ULK4: variants seen among roughly 807,000 people sequenced by gnomAD.
ULK4 encodes inactive serine/threonine-protein kinase ULK4.
In ULK4, 133 loss-of-function variants were observed where a neutral mutation model predicts 160.6. That is an observed-to-expected ratio of 0.83 (90% CI 0.72 to 0.96). The LOEUF is 0.96. Among genes scored for constraint, ULK4 ranks in the 40% least tolerant of loss-of-function variants. The pLI is 0.00. For synonymous variants in ULK4, 534 were observed against 539.8 expected (o/e 0.99, Z 0.15); for missense variants, 1,580 against 1,499.5 (o/e 1.05, Z -0.89).
intron 17 of ULK4, among the ~76,000 whole-genome samples, chr3:41,839,895 A>C (rs776127613): frequency 3.3e-5 from 5 of 152,222 alleles, no homozygotes; most frequent in Non-Finnish European, 7.3e-5. Context: ...TTGTATGCTG[A>C]AACTACACAA....
At chr3:41,627,527 A>G (rs943520725) in intron 30 of ULK4, among the ~76,000 whole-genome samples, 1 of 152,182 alleles carries the variant, frequency 6.6e-6, no homozygotes, top group African/African-American at 2.4e-5. Context: ...CTCCATCTCC[A>G]TCTACGCTCT....
intron 32 of ULK4, among the ~76,000 whole-genome samples, chr3:41,521,693 G>A (rs966368): frequency 1 from 151,721 of 152,356 alleles, 75,549 homozygotes; most frequent in Middle Eastern, 1. Context: ...TCACTCAGCT[G>A]TTTTTTAGTA....
At chr3:41,676,885 G>C (rs2035736863) in intron 29 of ULK4, among the ~76,000 whole-genome samples, 1 of 150,590 alleles carries the variant, frequency 6.6e-6, no homozygotes, top group Non-Finnish European at 1.5e-5. Context: ...TTCTTGCCTG[G>C]GGTGCCTGCC....
intron 21 of ULK4, among the ~76,000 whole-genome samples, chr3:41,773,008 C>A (rs1403658958): frequency 6.6e-6 from 1 of 152,102 alleles, no homozygotes; most frequent in African/African-American, 2.4e-5. Flanking sequence ...AGGTCTTTGA[C>A]AAAATTCAAC....
intron 21 of ULK4, among the ~76,000 whole-genome samples, chr3:41,763,591 C>T (rs62258611): frequency 0.066 from 10,097 of 152,268 alleles, 455 homozygotes; most frequent in South Asian, 0.14. Context: ...GAAACATTTA[C>T]ATATCCATTC....
chr3:41,415,242 G>A (rs2082497438), intron 34 of ULK4, among the ~76,000 whole-genome samples: 1 of 152,164 alleles, frequency 6.6e-6, no homozygotes, highest in East Asian at 1.9e-4. Context: ...TGAATGCTAG[G>A]ATGCTGAGTT....
chr3:41,248,414 C>G (rs762567708), intron 36 of ULK4, among the ~76,000 whole-genome samples: 1 of 152,048 alleles, frequency 6.6e-6, no homozygotes, highest in Non-Finnish European at 1.5e-5. Flanking sequence ...CTCTCCTGCC[C>G]CTCACCTCAC....
chr3:41,435,951 CATAA>C (rs58982909), intron 34 of ULK4, among the ~76,000 whole-genome samples: 62,754 of 150,116 alleles, frequency 0.42, 14,211 homozygotes, highest in Non-Finnish European at 0.51. Flanking sequence ...CCGTCTCATT[CATAA>C]ATAAATAAAT....
At chr3:41,675,780 G>A (rs776208617) in intron 29 of ULK4, among the ~76,000 whole-genome samples, 26 of 152,160 alleles carry the variant, frequency 1.7e-4, no homozygotes, top group Non-Finnish European at 3.1e-4. Flanking sequence ...AATATCACTT[G>A]CAGACATCAG....
chr3:41,935,568 C>T (rs191897961), intron 4 of ULK4, among the ~76,000 whole-genome samples: 141 of 151,572 alleles, frequency 9.3e-4, no homozygotes, highest in African/African-American at 3.1e-3. Flanking sequence ...ATCATGTTGG[C>T]CAGGCTGGTC....
At chr3:41,549,348 T>C (rs2086982096) in intron 32 of ULK4, among the ~76,000 whole-genome samples, 1 of 152,074 alleles carries the variant, frequency 6.6e-6, no homozygotes, top group Non-Finnish European at 1.5e-5. Flanking sequence ...ACAGCTGTCA[T>C]TAAGTAGGAC....
chr3:41,411,741 A>T (rs896666479), intron 34 of ULK4, among the ~76,000 whole-genome samples: 2 of 151,932 alleles, frequency 1.3e-5, no homozygotes. Flanking sequence ...CAACCTTTCT[A>T]TTGATAATAA....
chr3:41,802,886 G>A (rs2040505532), intron 19 of ULK4, among the ~76,000 whole-genome samples: 1 of 152,152 alleles, frequency 6.6e-6, no homozygotes, highest in African/African-American at 2.4e-5. Flanking sequence ...AGATGTATAG[G>A]CTGGGCGCAG....
intron 17 of ULK4, among the ~76,000 whole-genome samples, chr3:41,836,617 C>G (rs537193277): frequency 2.8e-4 from 42 of 152,268 alleles, no homozygotes; most frequent in African/African-American, 1.0e-3. Context: ...CAGCCAGGAT[C>G]CTAAAACGAA....
intron 31 of ULK4, among the ~76,000 whole-genome samples, chr3:41,586,623 G>A (rs973673039): frequency 6.6e-6 from 1 of 152,064 alleles, no homozygotes; most frequent in Non-Finnish European, 1.5e-5. Context: ...TTTAAAAATT[G>A]TTAAAATGGT....
intron 32 of ULK4, among the ~76,000 whole-genome samples, chr3:41,472,477 G>A (rs2084017829): frequency 6.6e-6 from 1 of 151,648 alleles, no homozygotes; most frequent in African/African-American, 2.4e-5. Flanking sequence ...GCTGAGGCAA[G>A]AGAATCACTT....
intron 35 of ULK4, among the ~76,000 whole-genome samples, chr3:41,289,069 A>G (rs9826776): frequency 0.24 from 37,086 of 152,130 alleles, 6,631 homozygotes; most frequent in African/African-American, 0.5. Flanking sequence ...CCACTCCCAC[A>G]GCTTTCTGCC....
At chr3:41,760,375 T>C (rs1176694707) in intron 21 of ULK4, among the ~76,000 whole-genome samples, 1 of 152,162 alleles carries the variant, frequency 6.6e-6, no homozygotes, top group African/African-American at 2.4e-5. Context: ...AAATGTTCAA[T>C]ACATACCTAT....
At chr3:41,446,120 A>C (rs1459151241) in intron 34 of ULK4, among the ~76,000 whole-genome samples, 1 of 152,198 alleles carries the variant, frequency 6.6e-6, no homozygotes, top group Non-Finnish European at 1.5e-5. Context: ...ACACACATGA[A>C]AAAAATGCTC....
Sources: allele counts gnomAD v4.1 joint callset (sites outside exome capture counted in the v4.1 genomes callset), GRCh38; gene constraint gnomAD v4.1.1; transcripts MANE v1.5; gene names NCBI Gene and HGNC (gene_info 2026-07-23, HGNC 2026-07-21).